The following DMD variants were observed in gnomAD, a reference collection of about 807,000 sequenced individuals.
The protein encoded by DMD is dystrophin.
In DMD, 63 loss-of-function variants were observed where a neutral mutation model predicts 330.1. The ratio of observed to expected loss-of-function variants is 0.19; its 90% CI spans 0.16 to 0.24. DMD has a LOEUF of 0.24. DMD is among the 10% of genes least tolerant of loss of function. The probability of loss-of-function intolerance (pLI) is 1.00; values close to 1 mark genes in which losing one functional copy is unlikely to be tolerated. For missense variants in DMD, 3,344 were observed against 2,684.1 expected, an observed-to-expected ratio of 1.25 and a Z score of -5.43; for synonymous variants, 1,223 against 959.8, an observed-to-expected ratio of 1.27 and a Z score of -5.07.
chrX:33,125,549 C>T (rs1458444941), intron 1 of DMD, among the ~76,000 whole-genome samples: 1 of 111,422 alleles, frequency 9.0e-6, no homozygotes, highest in Admixed American at 9.6e-5. Context: ...TAGAATACAT[C>T]AAAAGCTTAC....
intron 16 of DMD, among the ~76,000 whole-genome samples, chrX:32,563,103 G>A (rs2051229597): frequency 9.0e-6 from 1 of 110,498 alleles, no homozygotes; most frequent in South Asian, 3.9e-4. Context: ...CACTTTGGGA[G>A]GCCGAAGTGG....
intron 55 of DMD, among the ~76,000 whole-genome samples, chrX:31,515,082 T>A (rs2072055744): frequency 9.0e-6 from 1 of 110,998 alleles, no homozygotes; most frequent in Non-Finnish European, 1.9e-5. Context: ...AGTAGAATGA[T>A]CCATGGTGTT....
At chrX:32,259,977 T>A (rs984985973) in intron 43 of DMD, among the ~76,000 whole-genome samples, 2 of 111,409 alleles carry the variant, frequency 1.8e-5, no homozygotes, top group Non-Finnish European at 3.8e-5. Context: ...CATGGAAGGA[T>A]CATTTAGTGG....
chrX:32,918,884 C>G (rs1451708488), intron 2 of DMD, among the ~76,000 whole-genome samples: 1 of 111,505 alleles, frequency 9.0e-6, no homozygotes, highest in Non-Finnish European at 1.9e-5. Context: ...ACAGGTGCTA[C>G]AGAAGAATCA....
chrX:32,345,254 A>G (rs756986118), intron 39 of DMD, among the ~76,000 whole-genome samples: 50 of 111,528 alleles, frequency 4.5e-4, no homozygotes, highest in Admixed American at 1.3e-3. Flanking sequence ...CCACATGTCT[A>G]GTCTCAAGAA....
At chrX:32,554,061 G>A (rs1258240197) in intron 16 of DMD, among the ~76,000 whole-genome samples, 1 of 112,255 alleles carries the variant, frequency 8.9e-6, no homozygotes. Flanking sequence ...AAGACCAGCT[G>A]CCACCTCTGC....
At chrX:31,252,304 A>G (rs2049454582) in intron 63 of DMD, among the ~76,000 whole-genome samples, 1 of 112,439 alleles carries the variant, frequency 8.9e-6, no homozygotes, top group African/African-American at 3.2e-5. Flanking sequence ...AGAATGTCAT[A>G]TGGATTCCAG....
At chrX:32,300,514 G>A (rs887498086) in intron 42 of DMD, among the ~76,000 whole-genome samples, 5 of 111,735 alleles carry the variant, frequency 4.5e-5, no homozygotes, top group Non-Finnish European at 9.4e-5. Flanking sequence ...TGATCCAAGT[G>A]TTTCTCAGAT....
chrX:32,844,922 G>T (rs1033642214), intron 3 of DMD, 62 bp from the exon 4 acceptor site: 2 of 923,408 alleles, frequency 2.2e-6, no homozygotes, highest in East Asian at 3.1e-5. Flanking sequence ...TACTAGAAAT[G>T]AAACCATTTA....
intron 1 of DMD, among the ~76,000 whole-genome samples, chrX:33,168,553 A>T (rs1296638163): frequency 1.8e-5 from 2 of 110,779 alleles, no homozygotes; most frequent in Non-Finnish European, 3.8e-5. Flanking sequence ...AACGTCAAGG[A>T]AATTAAACAT....
chrX:33,006,777 C>T (rs2147489415), intron 2 of DMD, among the ~76,000 whole-genome samples: 1 of 111,168 alleles, frequency 9.0e-6, no homozygotes, highest in South Asian at 3.8e-4. Context: ...TCCATAAAAA[C>T]ATACTAAAAC....
At chrX:31,567,085 A>C (rs2075507633) in intron 55 of DMD, among the ~76,000 whole-genome samples, 1 of 111,271 alleles carries the variant, frequency 9.0e-6, no homozygotes, top group Admixed American at 9.5e-5. Flanking sequence ...CAGCTCCATG[A>C]GCATTTTTGG....
At chrX:31,177,801 A>G in intron 71 of DMD, 131 bp downstream of exon 71, 1 of 597,845 alleles carries the variant, frequency 1.7e-6, no homozygotes, top group Non-Finnish European at 2.7e-6. Flanking sequence ...ACTGAAATGA[A>G]GGAAGGGGAA....
chrX:31,957,265 G>A (rs1420125184), intron 45 of DMD, among the ~76,000 whole-genome samples: 2 of 111,846 alleles, frequency 1.8e-5, no homozygotes, highest in Non-Finnish European at 3.8e-5. Flanking sequence ...CCTAAAGTCC[G>A]TTTCCGCTTC....
At chrX:31,454,182 C>T (rs112724266) in intron 59 of DMD, among the ~76,000 whole-genome samples, 16 of 111,059 alleles carry the variant, frequency 1.4e-4, no homozygotes, top group East Asian at 5.6e-4. Flanking sequence ...CTTGTCGCCC[C>T]GGCTGGAGTG....
intron 51 of DMD, among the ~76,000 whole-genome samples, chrX:31,747,015 C>G (rs1303938285): frequency 3.6e-5 from 4 of 111,568 alleles, no homozygotes; most frequent in African/African-American, 1.3e-4. Context: ...TCTATTTCTT[C>G]TCAGAACTTA....
intron 2 of DMD, among the ~76,000 whole-genome samples, chrX:32,979,575 T>A (rs936190211): frequency 9.0e-6 from 1 of 111,382 alleles, no homozygotes; most frequent in Non-Finnish European, 1.9e-5. Context: ...ACCAAGATAC[T>A]GGTGAAAATA....
At chrX:32,650,521 C>A (rs6653880) in intron 9 of DMD, among the ~76,000 whole-genome samples, 8,117 of 111,281 alleles carry the variant, frequency 0.073, 291 homozygotes, top group African/African-American at 0.14. Flanking sequence ...CATTTCTGAA[C>A]AACCAGGATT....
chrX:32,041,176 T>C (rs1859242996), intron 44 of DMD, among the ~76,000 whole-genome samples: 1 of 112,504 alleles, frequency 8.9e-6, no homozygotes, highest in Non-Finnish European at 1.9e-5. Flanking sequence ...TTCCCCAAGT[T>C]GGAGTGTAAG....
Sources: allele counts gnomAD v4.1 joint callset (sites outside exome capture counted in the v4.1 genomes callset), GRCh38; gene constraint gnomAD v4.1.1; transcripts MANE v1.5; gene names NCBI Gene and HGNC (gene_info 2026-07-23, HGNC 2026-07-21).